Variants in NUP210 observed in about 807,000 individuals in gnomAD.
The protein encoded by NUP210 is nucleoporin 210.
A neutral mutation model predicts 196.0 loss-of-function variants in NUP210; 151 were observed. The observed-to-expected ratio is 0.77, with a 90% CI of 0.67 to 0.88. The LOEUF is 0.88. Ranked by LOEUF, NUP210 falls within the 40% of genes least tolerant of loss-of-function variation. NUP210 has a pLI of 0.00. For synonymous variants in NUP210, 1,070 were observed against 1,052.7 expected (o/e 1.02, Z -0.32); for missense variants, 2,314 against 2,493.7 (o/e 0.93, Z 1.53).
Position 13,317,605 on chromosome 3 carries a change from A to G in NUP210, c.*76T>C. 1 of 1,089,598 alleles carries G rather than the reference A, an allele frequency of 9.2e-7. No homozygotes were observed. Among genetic ancestry groups the G allele is most frequent in the Non-Finnish European group, 1.4e-6 (1 of 730,928 alleles). The allele number at this position is 1,089,598 out of a possible 1,614,324, so 67.5% of individuals were successfully genotyped here. A position where few individuals can be genotyped will look rare whatever the true frequency, so the allele number is the denominator to read the frequency against. ...ATCTGGAGGGGCTTGTTCCAGTGTG[A>G]ATGCAGCAGGGATGTTCCATCTTGG... On this transcript the variant is annotated 3_prime_UTR_variant, in exon 40 of 40. Coordinates refer to ENST00000254508, the MANE Select transcript of NUP210 (RefSeq NM_024923.4).
intron 30 of NUP210, 105 bp downstream of exon 30, chr3:13,330,355 G>T: frequency 8.8e-7 from 1 of 1,134,674 alleles, no homozygotes; most frequent in Non-Finnish European, 1.3e-6. Context: ...CCTGTCTACA[G>T]TTTCTTAGCT....
intron 20 of NUP210, chr3:13,344,730 C>T (rs564554349): frequency 1.3e-5 from 2 of 158,116 alleles, no homozygotes; most frequent in East Asian, 3.9e-4. Flanking sequence ...CCATGCACAT[C>T]ACCCTCCCCC....
chr3:13,418,390 C>T (rs896903917), intron 1 of NUP210, among the ~76,000 whole-genome samples: 9 of 151,892 alleles, frequency 5.9e-5, no homozygotes, highest in Non-Finnish European at 1.2e-4. Context: ...GTCAGGAGTT[C>T]GAGACCAGCC....
chr3:13,375,142 C>CTTTTTTTTTTTTTTTTTCTTTT (rs76945178), intron 11 of NUP210, among the ~76,000 whole-genome samples: 1 of 138,438 alleles, frequency 7.2e-6, no homozygotes, highest in Non-Finnish European at 1.5e-5. Flanking sequence ...TATTTTTTCT[C>CTTTTTTTTTTTTTTTTTCTTTT]TTTTTTTTTT....
At chr3:13,345,207 T>G in intron 20 of NUP210, 2 of 985,478 alleles carry the variant, frequency 2.0e-6, no homozygotes, top group Non-Finnish European at 2.4e-6. Context: ...TAAAACCAGC[T>G]TTGTTAAGAC....
At position 13,340,722 on chromosome 3, in the gene NUP210, C is replaced by T. The variant is rs1419024062; in HGVS notation, c.3229-424G>A. Among the ~76,000 whole-genome samples, 1 of 152,050 alleles carries T rather than the reference C, an allele frequency of 6.6e-6. No homozygotes were observed. Among genetic ancestry groups the T allele is most frequent in the African/African-American group, 2.4e-5 (1 of 41,414 alleles). On this transcript the variant is annotated intron_variant, in intron 23 of 39. Transcript: ENST00000254508. The surrounding 1 kb of genome is among the most constrained non-coding windows in gnomAD (Gnocchi z 4.0). Reference sequence around the variant, plus strand: ...TGGCCTGTGGAGCCAGGGGTGGCCCCACAGGACAGCCCTGCCGATATGGGA... The same window carrying T: ...TGGCCTGTGGAGCCAGGGGTGGCCCTACAGGACAGCCCTGCCGATATGGGA...
Position 13,379,909 on chromosome 3 carries a change from C to T in NUP210, c.818-188G>A, listed in dbSNP as rs1315718206. ...TCTGCATGCTGGTGGACAAAACTGA[C>T]ACTCCATGAATTTTCAGAGGCAATC... is the stretch of plus-strand genomic sequence containing the variant. On this transcript the variant is annotated intron_variant, in intron 6 of 39. Transcript: ENST00000254508. The surrounding 1 kb of genome is among the most constrained non-coding windows in gnomAD (Gnocchi z 4.2). Among the ~76,000 whole-genome samples, 1 of 152,154 alleles carries T rather than the reference C, an allele frequency of 6.6e-6. No individual in the cohort carries two copies. The highest frequency in any genetic ancestry group is 2.4e-5 in the African/African-American group (1 of 41,410).
chr3:13,366,638 C>T (rs565796758), intron 13 of NUP210, among the ~76,000 whole-genome samples: 6 of 151,690 alleles, frequency 4.0e-5, no homozygotes, highest in South Asian at 2.1e-4. Flanking sequence ...CTGCCTCAGC[C>T]TCCCGAGTAG....
intron 21 of NUP210, among the ~76,000 whole-genome samples, chr3:13,342,941 A>G (rs1312500161): frequency 1.3e-5 from 2 of 152,266 alleles, no homozygotes; most frequent in African/African-American, 4.8e-5. Flanking sequence ...AGCAGGATTT[A>G]CTGCCAAGCC....
intron 18 of NUP210, among the ~76,000 whole-genome samples, chr3:13,352,826 A>G (rs115397724): frequency 1.3e-5 from 2 of 151,814 alleles, no homozygotes; most frequent in African/African-American, 4.8e-5. Context: ...GAAGGTGTGC[A>G]TTGTGGGTGA....
In NUP210 at chr3:13,373,862, G is replaced by A. The variant is rs1420722600; in HGVS notation, c.1443C>T (p.Gly481=). The change falls in exon 12 of 40, where the codon GGC becomes GGT. Residue 481 remains glycine, a synonymous_variant. Coordinates refer to ENST00000254508, the MANE Select transcript of NUP210 (RefSeq NM_024923.4). ...AYQYTIRAHG[G]SGNFSWSSSS... is the part of the protein sequence containing the mutation. The stretch of plus-strand genomic sequence containing the variant: ...ACGAAGACCAGCTGAAGTTCCCACT[G>A]CCACCGTGGGCCTGCGGAGGAAAAG... 5 of 1,613,238 alleles carry A rather than the reference G, an allele frequency of 3.1e-6. No individual in the cohort carries two copies. The highest frequency in any genetic ancestry group is 2.2e-5 in the East Asian group (1 of 44,858).
Position 13,379,850 on chromosome 3 carries a change from T to A in NUP210, c.818-129A>T. On this transcript the variant is annotated intron_variant, in intron 6 of 39. Transcript: ENST00000254508. This position sits in a 1 kb window ranked among gnomAD's most constrained non-coding sequence, Gnocchi z 4.2. ...TCTCAGTACAGCTGACGCATTTTCT[T>A]AATTGTTTTCAGTGCTTTAAATGTT... 2.8e-6 allele frequency: 2 copies of A among 716,624 alleles called. No individual in the cohort carries two copies. Among genetic ancestry groups the A allele is most frequent in the Non-Finnish European group, 4.3e-6 (2 of 465,330 alleles). The allele number at this position is 716,624 out of a possible 1,614,324, so 44.4% of individuals were successfully genotyped here.
intron 1 of NUP210, among the ~76,000 whole-genome samples, chr3:13,418,891 G>A (rs1700434306): frequency 7.3e-6 from 1 of 137,548 alleles, no homozygotes; most frequent in Non-Finnish European, 1.5e-5. Context: ...GGAGGTTGCA[G>A]TGAGCCGAAA....
rs749960532 is a variant in NUP210 at position 13,336,901 on chromosome 3, G to A, written c.3570C>T (p.Thr1190=). ...RTGTQMPIYV[T]GITNHQNPFS... Reference sequence around the variant, plus strand: ...AAGGGTTCTGGTGGTTGGTGATGCCGGTGACATAGATGGGCATCTGCAGGG... The same window carrying A: ...AAGGGTTCTGGTGGTTGGTGATGCCAGTGACATAGATGGGCATCTGCAGGG... The change falls in exon 27 of 40, where the codon ACC becomes ACT. Residue 1190 remains threonine (T), a synonymous_variant. Coordinates refer to ENST00000254508, the MANE Select transcript of NUP210 (RefSeq NM_024923.4). 20 of 1,613,436 alleles carry A rather than the reference G, an allele frequency of 1.2e-5. No individual in the cohort carries two copies. The highest frequency in any genetic ancestry group is 2.2e-5 in the East Asian group (1 of 44,862).
intron 16 of NUP210, chr3:13,354,555 T>TCCTTCCCCTCTGCCCTCA (rs1218489795): frequency 6.2e-6 from 1 of 161,632 alleles, no homozygotes; most frequent in African/African-American, 2.4e-5. Context: ...CAGGCTGCTC[T>TCCTTCCCCTCTGCCCTCA]CCTTCCCCTC....
At chr3:13,400,024 G>A (rs1298155600) in intron 1 of NUP210, among the ~76,000 whole-genome samples, 163 bp from the exon 2 acceptor site, 1 of 152,136 alleles carries the variant, frequency 6.6e-6, no homozygotes, top group Non-Finnish European at 1.5e-5. Context: ...GGAGACGTGG[G>A]GCCCTGCCAA....
chr3:13,340,219 G>A lies in NUP210; in HGVS notation c.3291+17C>T, dbSNP rs760965460. On this transcript the variant is annotated intron_variant, in intron 24 of 39. Transcript: ENST00000254508. This position sits in a 1 kb window ranked among gnomAD's most constrained non-coding sequence, Gnocchi z 4.0. ...CTGCACTGGGGCTGGAGCAGGACGT[G>A]GCCTCTTGGCTCTCACCTGCATCGT... is the stretch of plus-strand genomic sequence containing the variant. 5 of 1,613,318 alleles carry A rather than the reference G, an allele frequency of 3.1e-6. No individual in the cohort carries two copies. The South Asian group carries it at 5.5e-5, about 18-fold the overall frequency.
intron 3 of NUP210, among the ~76,000 whole-genome samples, chr3:13,396,550 C>A (rs1699660544): frequency 6.6e-6 from 1 of 150,774 alleles, no homozygotes; most frequent in Non-Finnish European, 1.5e-5. Flanking sequence ...GAGTCCAAGA[C>A]CAGCCTGGCC....
rs1410152567 is a variant in NUP210, at chr3:13,353,921, G to C, written c.2515C>G (p.Leu839Val). 6.2e-7 allele frequency: 1 copy of C among 1,607,518 alleles called. No homozygotes were observed. The highest frequency in any genetic ancestry group is 8.5e-7 in the Non-Finnish European group (1 of 1,176,830). The part of the protein sequence containing the change: ...SQDDESGQKK[L>V]HGLQAILVHE... ...AGGCTTGTGCCCAGCTCACCGTGCA[G>C]CTTCTTTTGGCCACTCTCATCGTCC... Residue 839 changes from leucine to valine, a missense_variant, in exon 17 of 40, where the codon CTG becomes GTG. Transcript: ENST00000254508.
Sources: gnomAD v4.1 joint callset for allele counts (sites outside exome capture counted in the v4.1 genomes callset) on GRCh38, gnomAD v4.1.1 for gene constraint, Gnocchi (gnomAD v3.1) non-coding constraint, MANE v1.5 for transcripts, NCBI Gene and HGNC (gene_info 2026-07-23, HGNC 2026-07-21) for gene names.